The following CDH13 variants were observed in gnomAD, a reference collection of about 807,000 sequenced individuals.
CDH13 encodes cadherin-13.
In CDH13, 24 loss-of-function variants were observed where a neutral mutation model predicts 63.8. The observed-to-expected ratio is 0.38, with a 90% CI of 0.27 to 0.53. CDH13 has a LOEUF of 0.53. Ranked by LOEUF, CDH13 falls within the 20% of genes least tolerant of loss-of-function variation. The pLI is 0.85. For synonymous variants in CDH13, 503 were observed against 355.3 expected (o/e 1.42, Z -4.67); for missense variants, 1,049 against 903.1 (o/e 1.16, Z -2.07).
chr16:82,875,647 A>C (rs1352283227), intron 2 of CDH13, among the ~76,000 whole-genome samples: 2 of 152,264 alleles, frequency 1.3e-5, no homozygotes, highest in Non-Finnish European at 2.9e-5. Flanking sequence ...AGTTTAAAAC[A>C]TGACTCACAT....
chr16:82,954,568 C>T (rs1905776338), intron 2 of CDH13: 1 of 152,092 alleles, frequency 6.6e-6, no homozygotes, highest in African/African-American at 2.4e-5. Flanking sequence ...CTACCAATGT[C>T]CAATAATGTA....
intron 1 of CDH13, among the ~76,000 whole-genome samples, chr16:82,833,642 C>T (rs938500164): frequency 1.3e-5 from 2 of 152,160 alleles, no homozygotes; most frequent in Non-Finnish European, 2.9e-5. Flanking sequence ...TCTGTTCTTC[C>T]ATCTGTCCAG....
At chr16:83,100,365 T>G (rs536525155) in intron 3 of CDH13, among the ~76,000 whole-genome samples, 1 of 151,994 alleles carries the variant, frequency 6.6e-6, no homozygotes, top group Admixed American at 6.6e-5. Context: ...GATACCGAGG[T>G]CAAATTTCAC....
At chr16:83,214,579 CAAA>C (rs751124100) in intron 4 of CDH13, among the ~76,000 whole-genome samples, 1,565 of 39,768 alleles carry the variant, frequency 0.039, 27 homozygotes, top group African/African-American at 0.13. Flanking sequence ...GACTCTGTCT[CAAA>C]AAAAAAAAAA....
At chr16:82,631,987 A>G (rs565359591) in intron 1 of CDH13, among the ~76,000 whole-genome samples, 17 of 152,270 alleles carry the variant, frequency 1.1e-4, no homozygotes, top group South Asian at 2.1e-4. Context: ...TTAGCCATGG[A>G]TGCAGTTTGT....
intron 8 of CDH13, among the ~76,000 whole-genome samples, chr16:83,651,517 A>G (rs551567910): frequency 6.6e-6 from 1 of 152,110 alleles, no homozygotes; most frequent in Non-Finnish European, 1.5e-5. Flanking sequence ...CAAAAGTCAC[A>G]AAGATAACAA....
intron 6 of CDH13, among the ~76,000 whole-genome samples, chr16:83,361,576 A>G (rs2091162899): frequency 1.3e-5 from 2 of 152,176 alleles, no homozygotes; most frequent in Admixed American, 1.3e-4. Context: ...TTAAATTTGA[A>G]TATTTAATGC....
intron 4 of CDH13, among the ~76,000 whole-genome samples, chr16:83,186,092 T>G (rs926633679): frequency 1.2e-5 from 1 of 81,490 alleles, no homozygotes; most frequent in Admixed American, 1.1e-4. Context: ...TTTATTTTAT[T>G]TTATTTTATT....
chr16:82,899,769 C>A (rs1292713698), intron 2 of CDH13, among the ~76,000 whole-genome samples: 2 of 152,180 alleles, frequency 1.3e-5, no homozygotes, highest in African/African-American at 4.8e-5. Flanking sequence ...CATAAAGCCA[C>A]AATCTCCTCC....
chr16:82,749,770 T>G (rs1295503840), intron 1 of CDH13, among the ~76,000 whole-genome samples: 2 of 152,158 alleles, frequency 1.3e-5, no homozygotes, highest in African/African-American at 4.8e-5. Context: ...CTTTCCTTCC[T>G]TCCTCACTTG....
chr16:83,062,921 T>A (rs567461633), intron 3 of CDH13, among the ~76,000 whole-genome samples: 1 of 152,054 alleles, frequency 6.6e-6, no homozygotes, highest in South Asian at 2.1e-4. Flanking sequence ...TGCTGTTTTG[T>A]CTCCCTCATA....
intron 2 of CDH13, among the ~76,000 whole-genome samples, chr16:82,941,633 G>C (rs188587707): frequency 6.6e-6 from 1 of 152,252 alleles, no homozygotes; most frequent in East Asian, 1.9e-4. Flanking sequence ...ATTAAACACG[G>C]CTATTCTTAA....
intron 1 of CDH13, among the ~76,000 whole-genome samples, chr16:82,747,464 T>A (rs538091881): frequency 1.1e-5 from 1 of 88,326 alleles, no homozygotes; most frequent in South Asian, 5.2e-4. Flanking sequence ...GTGTATTTAT[T>A]TTTTAGTGCA....
At chr16:82,977,270 C>A (rs759535214) in intron 2 of CDH13, among the ~76,000 whole-genome samples, 12 of 152,062 alleles carry the variant, frequency 7.9e-5, no homozygotes, top group Non-Finnish European at 1.6e-4. Context: ...AGTAAGGCAG[C>A]CAACCCTCAG....
chr16:83,027,879 A>G (rs904434801), intron 2 of CDH13, among the ~76,000 whole-genome samples: 3 of 152,218 alleles, frequency 2.0e-5, no homozygotes, highest in Admixed American at 2.0e-4. Flanking sequence ...TATTTATAAG[A>G]GTAGTAAATT....
At chr16:83,258,238 TA>T (rs1336518198) in intron 5 of CDH13, among the ~76,000 whole-genome samples, 1 of 152,234 alleles carries the variant, frequency 6.6e-6, no homozygotes, top group African/African-American at 2.4e-5. Context: ...TCTGGCTATA[TA>T]AAAACATTTT....
At chr16:83,466,962 T>C (rs2073332042) in intron 6 of CDH13, among the ~76,000 whole-genome samples, 1 of 152,156 alleles carries the variant, frequency 6.6e-6, no homozygotes, top group African/African-American at 2.4e-5. Context: ...GCCGACTAAC[T>C]TCTCTCCTCC....
intron 2 of CDH13, among the ~76,000 whole-genome samples, chr16:82,944,842 C>G (rs1178349148): frequency 6.6e-6 from 1 of 152,096 alleles, no homozygotes; most frequent in African/African-American, 2.4e-5. Flanking sequence ...TACAACTTCT[C>G]CATTCCCTAC....
At chr16:82,855,964 CTG>C (rs2039667592) in intron 1 of CDH13, among the ~76,000 whole-genome samples, 1 of 152,168 alleles carries the variant, frequency 6.6e-6, no homozygotes, top group South Asian at 2.1e-4. Context: ...CTTCAACTGT[CTG>C]TGTGCAGTGG....
Sources: gnomAD v4.1 joint callset for allele counts (sites outside exome capture counted in the v4.1 genomes callset) on GRCh38, gnomAD v4.1.1 for gene constraint, MANE v1.5 for transcripts, NCBI Gene and HGNC (gene_info 2026-07-23, HGNC 2026-07-21) for gene names.